The following SDK1 variants were observed in gnomAD, a reference collection of about 807,000 sequenced individuals.
SDK1 encodes protein sidekick-1.
In SDK1, 157 loss-of-function variants were observed where a neutral mutation model predicts 245.5. That is an observed-to-expected ratio of 0.64 (90% CI 0.56 to 0.73). The LOEUF (loss-of-function observed/expected upper bound fraction) is 0.73. SDK1 is among the 30% of genes least tolerant of loss of function. The pLI is 0.00. For synonymous variants in SDK1, 1,647 were observed against 1,278.5 expected (o/e 1.29, Z -6.15); for missense variants, 3,583 against 3,002.3 (o/e 1.19, Z -4.52).
intron 1 of SDK1, among the ~76,000 whole-genome samples, chr7:3,569,317 A>G (rs1336289650): frequency 6.6e-6 from 1 of 152,242 alleles, no homozygotes; most frequent in Admixed American, 6.5e-5. Flanking sequence ...AGGACCGTGC[A>G]TGATTTGAGT....
rs191130115 is a variant in SDK1, at chr7:3,466,536, C to T, written c.299-152544C>T. ...CATTAGCTTGGGCAGTAAGCTCAGC[C>T]TTGCACTGCTTCTGGCAGGTTTACT... On this transcript the variant is annotated intron_variant, in intron 1 of 44. Transcript: ENST00000404826. Among the ~76,000 whole-genome samples the T allele has an allele frequency of 1.1e-3, 166 of 149,704 alleles. 1 individual carries two copies. The highest frequency in any genetic ancestry group is 3.9e-3 in the African/African-American group (159 of 40,582).
At chr7:4,070,117 G>A (rs1045100937) in intron 20 of SDK1, among the ~76,000 whole-genome samples, 23 of 152,194 alleles carry the variant, frequency 1.5e-4, no homozygotes, top group African/African-American at 5.3e-4. Flanking sequence ...GTTAATATGC[G>A]CTAACAATTA....
chr7:3,572,748 C>T lies in SDK1; in HGVS notation c.299-46332C>T, dbSNP rs557219388. On this transcript the variant is annotated intron_variant, in intron 1 of 44. Transcript: ENST00000404826. ...TGAGCTAGGCAAATCCAGTCATTGCCTTCACAGGACTTTCACTTAGCAGGG... is the reference window on the plus strand; with the variant it reads ...TGAGCTAGGCAAATCCAGTCATTGCTTTCACAGGACTTTCACTTAGCAGGG... Among the ~76,000 whole-genome samples, 33 of 152,172 alleles carry T rather than the reference C, an allele frequency of 2.2e-4. 1 individual carries two copies. The South Asian group carries it at 6.2e-3, about 29-fold the overall frequency.
At chr7:4,031,124 GAC>G (rs1310687308) in intron 17 of SDK1, among the ~76,000 whole-genome samples, 2 of 151,854 alleles carry the variant, frequency 1.3e-5, no homozygotes, top group Non-Finnish European at 2.9e-5. Context: ...TATATACATG[GAC>G]ACAGATAAGT....
At chr7:3,563,369 G>T (rs185092246) in intron 1 of SDK1, among the ~76,000 whole-genome samples, 1 of 152,076 alleles carries the variant, frequency 6.6e-6, no homozygotes, top group East Asian at 1.9e-4. Context: ...GGTTATAAGA[G>T]ACACACTTCA....
In SDK1 at chr7:3,371,347, A is replaced by G. The variant is rs73294222; in HGVS notation, c.298+69463A>G. ...CGCTGAGCATGTGGCGTAGGAAAAA[A>G]TTTCCAGGATGCAGGGGAAGGACAG... On this transcript the variant is annotated intron_variant, in intron 1 of 44. Coordinates refer to ENST00000404826, the MANE Select transcript of SDK1 (RefSeq NM_152744.4). Among the ~76,000 whole-genome samples, 1,412 of 152,220 alleles carry G rather than the reference A, an allele frequency of 9.3e-3. 30 individuals carry two copies. The highest frequency in any genetic ancestry group is 0.032 in the African/African-American group (1,330 of 41,532).
chr7:4,190,270 T>C (rs1425338337), intron 35 of SDK1, among the ~76,000 whole-genome samples: 1 of 152,188 alleles, frequency 6.6e-6, no homozygotes, highest in African/African-American at 2.4e-5. Context: ...GCCGCCCCTG[T>C]CATTTCTGCG....
At chr7:3,686,395 T>A (rs983664517) in intron 4 of SDK1, among the ~76,000 whole-genome samples, 5 of 152,200 alleles carry the variant, frequency 3.3e-5, no homozygotes, top group Non-Finnish European at 5.9e-5. Context: ...GTTACTTTTT[T>A]AAAAATGCAG....
At chr7:3,584,064 C>T (rs756360921) in intron 1 of SDK1, among the ~76,000 whole-genome samples, 1 of 152,176 alleles carries the variant, frequency 6.6e-6, no homozygotes, top group Non-Finnish European at 1.5e-5. Context: ...GAAGTTTGTA[C>T]AGCAGGGGAA....
intron 1 of SDK1, among the ~76,000 whole-genome samples, chr7:3,546,055 T>A (rs1231350798): frequency 1.3e-5 from 2 of 152,202 alleles, no homozygotes; most frequent in Non-Finnish European, 2.9e-5. Context: ...TGATATAACT[T>A]TTAATCGTTG....
At chr7:4,081,967 A>G (rs1163425110) in intron 22 of SDK1, among the ~76,000 whole-genome samples, 1 of 152,222 alleles carries the variant, frequency 6.6e-6, no homozygotes, top group Non-Finnish European at 1.5e-5. Context: ...TTTCACAGGC[A>G]TAATGTTTAA....
intron 2 of SDK1, among the ~76,000 whole-genome samples, chr7:3,622,045 G>A (rs1329942757): frequency 6.6e-6 from 1 of 152,156 alleles, no homozygotes; most frequent in Non-Finnish European, 1.5e-5. Flanking sequence ...TTCGGAGCAT[G>A]CTTAATATAG....
chr7:4,228,625 C>T (rs1028845360), intron 40 of SDK1, among the ~76,000 whole-genome samples: 6 of 152,312 alleles, frequency 3.9e-5, no homozygotes, highest in Non-Finnish European at 4.4e-5. Flanking sequence ...CTGCAACCTT[C>T]ACCTCCCGGG....
intron 2 of SDK1, among the ~76,000 whole-genome samples, chr7:3,622,232 C>T (rs953517533): frequency 2.0e-5 from 3 of 152,192 alleles, no homozygotes; most frequent in African/African-American, 7.2e-5. Context: ...AATCTCAGCA[C>T]TTTGGGAGGG....
rs1289331496 is a variant in SDK1 at position 4,266,955 on chromosome 7, C to T, written c.*1571C>T. On this transcript the variant is annotated 3_prime_UTR_variant, in exon 45 of 45. Transcript: ENST00000404826. Reference sequence around the variant, plus strand: ...TGAGCAGTATCTGACCAGTGCCACCCAGGAGCCAGTCTCCTGGCCACATGC... The same window carrying T: ...TGAGCAGTATCTGACCAGTGCCACCTAGGAGCCAGTCTCCTGGCCACATGC... The T allele has an allele frequency of 1.6e-5, 16 of 985,384 alleles. No homozygotes were observed. Among genetic ancestry groups the T allele is most frequent in the Non-Finnish European group, 1.9e-5 (16 of 829,990 alleles). The allele number at this position is 985,384 out of a possible 1,614,324, so 61.0% of individuals were successfully genotyped here. A position where few individuals can be genotyped will look rare whatever the true frequency, so the allele number is the denominator to read the frequency against.
At chr7:3,813,323 C>T (rs1374098685) in intron 4 of SDK1, among the ~76,000 whole-genome samples, 2 of 144,732 alleles carry the variant, frequency 1.4e-5, no homozygotes, top group Middle Eastern at 3.4e-3. Flanking sequence ...CATGTGTTCT[C>T]ATTGTTCATT....
chr7:3,604,130 T>A (rs1372471555), intron 1 of SDK1, among the ~76,000 whole-genome samples: 1 of 152,196 alleles, frequency 6.6e-6, no homozygotes, highest in Non-Finnish European at 1.5e-5. Context: ...TCAAGGCTAT[T>A]GGTCTAAAAT....
rs60617574 is a variant in SDK1, at chr7:3,580,968, CAAAAAAAAAAAA to C, written c.299-38097_299-38086del. Among the ~76,000 whole-genome samples, 198 of 24,894 alleles carry C rather than the reference CAAAAAAAAAAAA, an allele frequency of 8.0e-3. 5 individuals carry two copies. Among genetic ancestry groups the C allele is most frequent in the African/African-American group, 0.021 (194 of 9,342 alleles). 16.3% of individuals were successfully genotyped at this position (24,894 alleles called of 152,430 possible). Reference sequence around the variant, plus strand: ...TAGGTTATAGGGCAAGACTCCATCTCAAAAAAAAAAAAAAAAAAAAAAAAAACCAAAACAAAA... The same window carrying C: ...TAGGTTATAGGGCAAGACTCCATCTCAAAAAAAAAAAAAACCAAAACAAAA... On this transcript the variant is annotated intron_variant, in intron 1 of 44. Transcript: ENST00000404826.
chr7:3,409,792 G>A (rs188933218), intron 1 of SDK1, among the ~76,000 whole-genome samples: 1 of 152,246 alleles, frequency 6.6e-6, no homozygotes, highest in East Asian at 1.9e-4. Flanking sequence ...GGGGATTGAG[G>A]TGTGGAGTTT....
Sources: gnomAD v4.1 joint callset for allele counts (sites outside exome capture counted in the v4.1 genomes callset) on GRCh38, gnomAD v4.1.1 for gene constraint, MANE v1.5 for transcripts, NCBI Gene and HGNC (gene_info 2026-07-23, HGNC 2026-07-21) for gene names.